Variants in CTNND2 observed in about 807,000 individuals in gnomAD.
CTNND2 encodes the protein catenin delta-2.
In CTNND2, 22 loss-of-function variants were observed where a neutral mutation model predicts 144.4. The observed-to-expected ratio is 0.15, with a 90% CI of 0.11 to 0.22. The LOEUF is 0.22. CTNND2 is among the 10% of genes least tolerant of loss of function. The pLI is 1.00. For synonymous variants in CTNND2, 751 were observed against 695.6 expected (o/e 1.08, Z -1.25); for missense variants, 1,353 against 1,618.8 (o/e 0.84, Z 2.82).
Position 11,170,651 on chromosome 5 carries a change from T to A in CTNND2, c.1976-10892A>T, listed in dbSNP as rs536353417. 2.7e-4 allele frequency among the ~76,000 whole-genome samples: 41 copies of A among 152,202 alleles called. No individual in the cohort carries two copies. The South Asian group carries it at 7.5e-3, about 28-fold the overall frequency. ...CATGGAAGAAACATCAGATTGAGAT[T>A]TGGGGTAATCAAAAAACCCAATTGT... On this transcript the variant is annotated intron_variant, in intron 11 of 21. Transcript: ENST00000304623.
chr5:11,523,873 AG>A (rs1313996596), intron 3 of CTNND2, among the ~76,000 whole-genome samples: 4 of 152,142 alleles, frequency 2.6e-5, no homozygotes, highest in Admixed American at 6.5e-5. Context: ...AAGCGGGTGC[AG>A]GGGGTCTGCA....
At chr5:10,999,302 G>A (rs1014396360) in intron 18 of CTNND2, among the ~76,000 whole-genome samples, 2 of 151,992 alleles carry the variant, frequency 1.3e-5, no homozygotes, top group African/African-American at 2.4e-5. Flanking sequence ...TATACAACTC[G>A]GGCACATATC....
chr5:11,537,356 A>T (rs983054777), intron 3 of CTNND2, among the ~76,000 whole-genome samples: 3 of 152,182 alleles, frequency 2.0e-5, no homozygotes, highest in Admixed American at 1.3e-4. Flanking sequence ...TAAATCATAT[A>T]TCTGAAAAAT....
At chr5:11,842,889 A>C (rs1794545393) in intron 1 of CTNND2, among the ~76,000 whole-genome samples, 1 of 152,194 alleles carries the variant, frequency 6.6e-6, no homozygotes, top group African/African-American at 2.4e-5. Context: ...CTTATGTGGC[A>C]AACATTTTAT....
chr5:11,077,544 G>A (rs1366667682), intron 16 of CTNND2, among the ~76,000 whole-genome samples: 2 of 152,178 alleles, frequency 1.3e-5, no homozygotes, highest in Non-Finnish European at 2.9e-5. Context: ...CAGAGGACTA[G>A]GTGGGGTTGG....
At chr5:11,326,478 C>T (rs1048102429) in intron 9 of CTNND2, among the ~76,000 whole-genome samples, 4 of 152,138 alleles carry the variant, frequency 2.6e-5, no homozygotes, top group Admixed American at 1.3e-4. Context: ...GGACCCCTCA[C>T]CCCTGGGACA....
At position 11,042,553 on chromosome 5, in the gene CTNND2, C is replaced by T. The variant is rs147377913; in HGVS notation, c.2789-19574G>A. Among the ~76,000 whole-genome samples the T allele has an allele frequency of 7.6e-4, 115 of 152,308 alleles. 2 individuals are homozygous for T. In the East Asian group the frequency reaches 0.019, roughly 25 times the overall value. On this transcript the variant is annotated intron_variant, in intron 16 of 21. Transcript: ENST00000304623. ...TCTCAAACAGAGGAAGTTCACTGTA[C>T]GAAACTCATGTAATTTTGTTGCCCA...
chr5:11,059,724 A>G (rs965228690), intron 16 of CTNND2, among the ~76,000 whole-genome samples: 1 of 152,214 alleles, frequency 6.6e-6, no homozygotes, highest in Non-Finnish European at 1.5e-5. Flanking sequence ...CATGTTGTTT[A>G]TAAAAACTCC....
At chr5:11,390,140 C>T (rs1759509504) in intron 6 of CTNND2, among the ~76,000 whole-genome samples, 1 of 152,140 alleles carries the variant, frequency 6.6e-6, no homozygotes, top group Admixed American at 6.5e-5. Context: ...TCAACAATTC[C>T]CTTATATGGA....
At chr5:11,203,215 C>G (rs1029747197) in intron 10 of CTNND2, among the ~76,000 whole-genome samples, 1 of 152,208 alleles carries the variant, frequency 6.6e-6, no homozygotes, top group Admixed American at 6.5e-5. Context: ...AAATGTACAA[C>G]TTTCTGAAAA....
chr5:11,753,355 C>T (rs754377434), intron 1 of CTNND2, among the ~76,000 whole-genome samples: 16 of 151,648 alleles, frequency 1.1e-4, no homozygotes, highest in Non-Finnish European at 1.8e-4. Context: ...TCCTACAGTG[C>T]TTAGTTTGCT....
chr5:11,535,740 A>G (rs970607135), intron 3 of CTNND2, among the ~76,000 whole-genome samples: 2 of 152,232 alleles, frequency 1.3e-5, no homozygotes, highest in African/African-American at 2.4e-5. Context: ...AAATACATAA[A>G]AGGGTTAACT....
chr5:11,288,446 T>C (rs1747975585), intron 9 of CTNND2, among the ~76,000 whole-genome samples: 1 of 152,164 alleles, frequency 6.6e-6, no homozygotes, highest in Non-Finnish European at 1.5e-5. Flanking sequence ...TCAGTCTTTC[T>C]TTGTGTTGTG....
chr5:11,622,654 T>G (rs951780896), intron 2 of CTNND2, among the ~76,000 whole-genome samples: 2 of 152,084 alleles, frequency 1.3e-5, no homozygotes, highest in Admixed American at 6.6e-5. Context: ...AAACACGATC[T>G]TACAGAGGCA....
intron 12 of CTNND2, among the ~76,000 whole-genome samples, chr5:11,144,333 TAAGGAGGCATC>T (rs1005756053): frequency 8.5e-5 from 13 of 152,162 alleles, no homozygotes; most frequent in African/African-American, 2.9e-4. Flanking sequence ...ATACGGATTT[TAAGGAGGCATC>T]AAGGAGGCAT....
intron 10 of CTNND2, among the ~76,000 whole-genome samples, chr5:11,234,263 T>C (rs1176492623): frequency 4.6e-5 from 7 of 151,994 alleles, no homozygotes; most frequent in African/African-American, 1.7e-4. Context: ...ACACTGACAC[T>C]TAGAAATATA....
chr5:11,178,220 A>G (rs1760662017), intron 11 of CTNND2, among the ~76,000 whole-genome samples: 1 of 152,196 alleles, frequency 6.6e-6, no homozygotes, highest in Admixed American at 6.5e-5. Flanking sequence ...TATGAAATCA[A>G]AGATGGATGA....
intron 3 of CTNND2, among the ~76,000 whole-genome samples, chr5:11,543,879 G>T (rs1581455578): frequency 1.3e-5 from 2 of 152,104 alleles, no homozygotes; most frequent in Non-Finnish European, 2.9e-5. Context: ...CAGAATAAAA[G>T]ATACATCTTT....
chr5:11,093,451 T>C (rs956467983), intron 15 of CTNND2, among the ~76,000 whole-genome samples: 1 of 152,204 alleles, frequency 6.6e-6, no homozygotes, highest in African/African-American at 2.4e-5. Flanking sequence ...GCTTCTGCCA[T>C]AATAACATTA....
Sources: allele counts gnomAD v4.1 joint callset (sites outside exome capture counted in the v4.1 genomes callset), GRCh38; gene constraint gnomAD v4.1.1; transcripts MANE v1.5; gene names NCBI Gene and HGNC (gene_info 2026-07-23, HGNC 2026-07-21).